Variants in PTPRQ observed in about 807,000 individuals in gnomAD.
The protein encoded by PTPRQ is protein tyrosine phosphatase receptor type Q.
A neutral mutation model predicts 246.0 loss-of-function variants in PTPRQ; 199 were observed. The ratio of observed to expected loss-of-function variants is 0.81; its 90% confidence interval spans 0.72 to 0.91. PTPRQ has a LOEUF of 0.91. PTPRQ is among the 40% of genes least tolerant of loss of function. The probability of loss-of-function intolerance (pLI) is 0.00; values close to 1 mark genes in which losing one functional copy is unlikely to be tolerated. For synonymous variants in PTPRQ, 869 were observed against 853.2 expected, an observed-to-expected ratio of 1.02 and a Z score of -0.32; for missense variants, 2,624 against 2,528.4, an observed-to-expected ratio of 1.04 and a Z score of -0.81.
At chr12:80,662,560 C>T (rs1173774102) in intron 39 of PTPRQ, among the ~76,000 whole-genome samples, 1 of 151,974 alleles carries the variant, frequency 6.6e-6, no homozygotes, top group Admixed American at 6.6e-5. Flanking sequence ...CTACTTTATT[C>T]ATTGCTGCTA....
At chr12:80,634,786 A>T in intron 34 of PTPRQ, 159 bp from the exon 35 acceptor site, 2 of 1,077,706 alleles carry the variant, frequency 1.9e-6, no homozygotes, top group Non-Finnish European at 2.5e-6. Flanking sequence ...TAAAACAAGA[A>T]AAAGAAGTCG....
At chr12:80,620,086 T>C in intron 31 of PTPRQ, 68 bp from the exon 32 acceptor site, 7 of 1,460,582 alleles carry the variant, frequency 4.8e-6, no homozygotes, top group Non-Finnish European at 6.3e-6. Flanking sequence ...ATAAAAACAC[T>C]ATTTATAATT....
chr12:80,480,796 C>T (rs145133332), intron 8 of PTPRQ, among the ~76,000 whole-genome samples: 1,820 of 152,300 alleles, frequency 0.012, 41 homozygotes, highest in African/African-American at 0.042. Flanking sequence ...AATTCCTCGA[C>T]ACATACACTC....
intron 33 of PTPRQ, among the ~76,000 whole-genome samples, chr12:80,629,390 G>T (rs981208228): frequency 6.6e-6 from 1 of 152,120 alleles, no homozygotes; most frequent in African/African-American, 2.4e-5. Context: ...TCATTGAGAA[G>T]GTATTTCAGC....
intron 8 of PTPRQ, among the ~76,000 whole-genome samples, chr12:80,478,896 C>T (rs974824455): frequency 7.2e-5 from 11 of 152,298 alleles, no homozygotes; most frequent in Admixed American, 6.5e-5. Context: ...AAATCTACGT[C>T]TGATTGGTGT....
At chr12:80,633,006 T>C (rs905154109) in intron 34 of PTPRQ, among the ~76,000 whole-genome samples, 2 of 152,180 alleles carry the variant, frequency 1.3e-5, no homozygotes, top group Non-Finnish European at 1.5e-5. Flanking sequence ...ACAAGGGCAG[T>C]GTTTTCCTCT....
At chr12:80,621,998 AG>A (rs1453744388) in intron 32 of PTPRQ, 62 bp from the exon 33 acceptor site, 2 of 1,082,256 alleles carry the variant, frequency 1.8e-6, no homozygotes, top group Non-Finnish European at 2.5e-6. Context: ...TTACTTCTTG[AG>A]TTATTCATAG....
In PTPRQ at chr12:80,495,183, CTTT is replaced by C. The variant is rs1894574276; in HGVS notation, c.1703-6_1703-4del. Reference sequence around the variant, plus strand: ...TTTTTTCATTCATATGTTCATTCTTCTTTTTAAGTGCCAAGCTCCATTAAAATT... The same window carrying C: ...TTTTTTCATTCATATGTTCATTCTTCTTAAGTGCCAAGCTCCATTAAAATT... On this transcript the variant is annotated splice_region_variant and splice_polypyrimidine_tract_variant and intron_variant, in intron 11 of 44. Coordinates refer to ENST00000644991, the MANE Select transcript of PTPRQ (RefSeq NM_001145026.2). 1.3e-6 allele frequency: 2 copies of C among 1,543,976 alleles called. No homozygotes were observed. The highest frequency in any genetic ancestry group is 1.7e-6 in the Non-Finnish European group (2 of 1,144,910).
At position 80,445,712 on chromosome 12, in the gene PTPRQ, A is replaced by G; in HGVS notation, c.385A>G (p.Ile129Val). Residue 129 changes from isoleucine (I) to valine (V), a missense_variant, in exon 3 of 45, where the codon ATT becomes GTT. By Grantham distance (29) the Ile-to-Val change is conservative. Coordinates refer to ENST00000644991, the MANE Select transcript of PTPRQ (RefSeq NM_001145026.2). ...TCTTAATCCTGGAACAACATATGAA[A>G]TTAAGGTAATTATTTTGTGTATGAC... ...TNLNPGTTYE[I>V]KVAAENSAGI... 6.6e-7 allele frequency: 1 copy of G among 1,522,846 alleles called. No individual in the cohort carries two copies. The highest frequency in any genetic ancestry group is 1.2e-5 in the South Asian group (1 of 83,422). The allele number at this position is 1,522,846 out of a possible 1,614,324, so 94.3% of individuals were successfully genotyped here.
At chr12:80,605,425 TA>T (rs758173079) in intron 27 of PTPRQ, among the ~76,000 whole-genome samples, 6 of 151,278 alleles carry the variant, frequency 4.0e-5, no homozygotes, top group South Asian at 2.1e-4. Flanking sequence ...GCTCAATAAA[TA>T]TAAGATATTA....
chr12:80,591,274 C>A (rs570886564), intron 26 of PTPRQ, among the ~76,000 whole-genome samples: 2 of 151,848 alleles, frequency 1.3e-5, no homozygotes, highest in South Asian at 2.1e-4. Flanking sequence ...TACAGGCACA[C>A]GCCACTGTGA....
intron 25 of PTPRQ, among the ~76,000 whole-genome samples, chr12:80,556,081 G>T (rs1234417448): frequency 1.3e-5 from 2 of 152,090 alleles, no homozygotes; most frequent in Non-Finnish European, 2.9e-5. Flanking sequence ...AGGTTGGAGT[G>T]CAGTGGCACA....
At chr12:80,633,803 A>G (rs993031008) in intron 34 of PTPRQ, among the ~76,000 whole-genome samples, 1 of 152,150 alleles carries the variant, frequency 6.6e-6, no homozygotes, top group African/African-American at 2.4e-5. Context: ...AGGAGTATGG[A>G]CTGGCCACAT....
intron 7 of PTPRQ, among the ~76,000 whole-genome samples, chr12:80,469,492 T>A: frequency 6.6e-6 from 1 of 152,188 alleles, no homozygotes; most frequent in Middle Eastern, 3.4e-3. Flanking sequence ...AATTCTCTCC[T>A]GATTGAGAGC....
chr12:80,584,763 A>G (rs182938632), intron 25 of PTPRQ, among the ~76,000 whole-genome samples: 1 of 152,244 alleles, frequency 6.6e-6, no homozygotes, highest in East Asian at 1.9e-4. Flanking sequence ...AATACATCTG[A>G]TTTATATTAG....
At chr12:80,668,877 A>G in intron 39 of PTPRQ, 130 bp from the exon 40 acceptor site, 1 of 1,235,470 alleles carries the variant, frequency 8.1e-7, no homozygotes, top group Non-Finnish European at 1.1e-6. Context: ...ATTTAAGATT[A>G]TCTAGTATTT....
At chr12:80,641,400 C>G (rs376218443) in intron 35 of PTPRQ, among the ~76,000 whole-genome samples, 2 of 152,090 alleles carry the variant, frequency 1.3e-5, no homozygotes, top group East Asian at 1.9e-4. Context: ...AAGAAGAATC[C>G]GTCTTCATGA....
At chr12:80,520,352 C>T (rs1895437344) in intron 17 of PTPRQ, among the ~76,000 whole-genome samples, 1 of 151,932 alleles carries the variant, frequency 6.6e-6, no homozygotes, top group African/African-American at 2.4e-5. Context: ...TCACATATTA[C>T]TTTTAATACA....
chr12:80,645,223 T>G (rs1416018212), intron 35 of PTPRQ, among the ~76,000 whole-genome samples: 2 of 152,118 alleles, frequency 1.3e-5, no homozygotes, highest in African/African-American at 4.8e-5. Context: ...TTATTGTTCA[T>G]TTATCTAACT....
Sources: gnomAD v4.1 joint callset for allele counts (sites outside exome capture counted in the v4.1 genomes callset) on GRCh38, gnomAD v4.1.1 for gene constraint, MANE v1.5 for transcripts, NCBI Gene and HGNC (gene_info 2026-07-23, HGNC 2026-07-21) for gene names.